ZNF829: variants seen among roughly 807,000 people sequenced by gnomAD.
ZNF829 encodes zinc finger protein 829.
A neutral mutation model predicts 35.2 loss-of-function variants in ZNF829; 25 were observed. That is an observed-to-expected ratio of 0.71 (90% CI 0.52 to 0.99). The LOEUF is 0.99. Among genes scored for constraint, ZNF829 ranks in the 50% least tolerant of loss-of-function variants. The pLI is 0.00. For missense variants in ZNF829, 417 were observed against 515.3 expected, an observed-to-expected ratio of 0.81 and a Z score of 1.85; for synonymous variants, 136 against 163.2, an observed-to-expected ratio of 0.83 and a Z score of 1.27.
chr19:36,888,174 T>C lies in ZNF829; in HGVS notation c.*3318A>G, dbSNP rs2073015030. 6.6e-6 allele frequency: 1 copy of C among 151,906 alleles called. No homozygotes were observed. Among genetic ancestry groups the C allele is most frequent in the Non-Finnish European group, 1.5e-5 (1 of 67,998 alleles). The allele number at this position is 151,906 out of a possible 1,614,324, so 9.4% of individuals were successfully genotyped here. On this transcript the variant is annotated 3_prime_UTR_variant, in exon 6 of 6. Transcript: ENST00000391711. ...GTAACATGAACATGCCTGTTAAACA[T>C]TTGAATAAATGATCAGTTTCTCATA...
chr19:36,912,139 A>G (rs541080667), intron 3 of ZNF829, among the ~76,000 whole-genome samples: 1 of 149,608 alleles, frequency 6.7e-6, no homozygotes, highest in East Asian at 2.0e-4. Context: ...GAGGAAATCA[A>G]GAAGCTTAAT....
chr19:36,892,234 G>T lies in ZNF829; in HGVS notation c.557C>A (p.Ser186Tyr), dbSNP rs767952344. Reference sequence around the variant, plus strand: ...ACTAAAGGACTTCCCATACTCCTTAGATTCATAGTGTTTTTCACCAAAATG... The same window carrying T: ...ACTAAAGGACTTCCCATACTCCTTATATTCATAGTGTTTTTCACCAAAATG... ...RIHFGEKHYE[S>Y]KEYGKSFSRG... is the part of the protein sequence containing the mutation. The change falls in exon 6 of 6, where the codon TCT (serine) becomes TAT (tyrosine). Residue 186 changes from serine to tyrosine, a missense_variant. Ser to Tyr is a moderately radical substitution (Grantham distance 144). Coordinates refer to ENST00000391711, the MANE Select transcript of ZNF829 (RefSeq NM_001037232.4). 7.4e-6 allele frequency: 12 copies of T among 1,613,922 alleles called. No individual in the cohort carries two copies.
rs1249427271 is a variant in ZNF829 at position 36,890,678 on chromosome 19, TA to T, written c.*813del. ...CAACATGGTGAAACCCCGTCGCTACTAAAAATACAAAAAAAAAAAAAAAAAA... is the reference window on the plus strand; with the variant it reads ...CAACATGGTGAAACCCCGTCGCTACTAAAATACAAAAAAAAAAAAAAAAAA... On this transcript the variant is annotated 3_prime_UTR_variant, in exon 6 of 6. Transcript: ENST00000391711. The T allele has an allele frequency of 2.2e-5, 2 of 89,076 alleles. No individual in the cohort carries two copies. Among genetic ancestry groups the T allele is most frequent in the African/African-American group, 4.3e-5 (1 of 23,070 alleles). 5.5% of individuals were successfully genotyped at this position (89,076 alleles called of 1,614,324 possible).
Position 36,891,488 on chromosome 19 carries a change from T to A in ZNF829, c.*4A>T, listed in dbSNP as rs780335686. On this transcript the variant is annotated 3_prime_UTR_variant, in exon 6 of 6. Transcript: ENST00000391711. ...TTAACAAAATGGTCTTACTTTACTG[T>A]CATTCAACCAGTATGAATTCCCTCA... 2 of 1,533,226 alleles carry A rather than the reference T, an allele frequency of 1.3e-6. No individual in the cohort carries two copies. The highest frequency in any genetic ancestry group is 2.8e-5 in the African/African-American group (2 of 71,894). The allele number at this position is 1,533,226 out of a possible 1,614,324, so 95.0% of individuals were successfully genotyped here.
At chr19:36,910,232 C>G (rs1048910200) in intron 3 of ZNF829, among the ~76,000 whole-genome samples, 1 of 151,914 alleles carries the variant, frequency 6.6e-6, no homozygotes, top group Non-Finnish European at 1.5e-5. Context: ...TTACAGGCGC[C>G]GGTCACCACA....
intron 5 of ZNF829, among the ~76,000 whole-genome samples, chr19:36,897,917 C>T (rs951954392): frequency 3.9e-5 from 6 of 152,160 alleles, no homozygotes; most frequent in Non-Finnish European, 8.8e-5. Flanking sequence ...GCCTATAATC[C>T]CAGCAGTTTG....
At chr19:36,897,758 G>C (rs1039988139) in intron 5 of ZNF829, among the ~76,000 whole-genome samples, 8 of 152,180 alleles carry the variant, frequency 5.3e-5, no homozygotes, top group Non-Finnish European at 1.0e-4. Context: ...AAGTCACACT[G>C]TCCCTTTACA....
chr19:36,907,507 T>C (rs979993618), intron 5 of ZNF829: 4 of 176,670 alleles, frequency 2.3e-5, no homozygotes, highest in African/African-American at 9.6e-5. Context: ...TTCAATTTTG[T>C]TTTCAAGTAA....
Position 36,916,255 on chromosome 19 carries a change from C to G in ZNF829, c.-329G>C, listed in dbSNP as rs2073328983. On this transcript the variant is annotated 5_prime_UTR_variant, in exon 1 of 6. Coordinates refer to ENST00000391711, the MANE Select transcript of ZNF829 (RefSeq NM_001037232.4). This position sits in a 1 kb window ranked among gnomAD's most constrained non-coding sequence, Gnocchi z 5.3. ...GATGAGCCTCCCGGGGAACCCGGCC[C>G]AAGCCTCACCCTCACACAGGAAAGC... 1 of 338,682 alleles carries G rather than the reference C, an allele frequency of 3.0e-6. No homozygotes were observed. The highest frequency in any genetic ancestry group is 5.4e-6 in the Non-Finnish European group (1 of 185,582). The allele number at this position is 338,682 out of a possible 1,614,324, so 21.0% of individuals were successfully genotyped here.
At chr19:36,907,832 T>A in intron 5 of ZNF829, 97 bp downstream of exon 5, 7 of 1,020,944 alleles carry the variant, frequency 6.9e-6, no homozygotes, top group Admixed American at 2.7e-5. Context: ...ATAGCTTATA[T>A]GGAAGAGGCT....
Position 36,915,141 on chromosome 19 carries a change from A to G in ZNF829, c.27T>C (p.Ile9=). Residue 9 remains isoleucine (I), a synonymous_variant, in exon 2 of 6, where the codon ATT becomes ATC. Transcript: ENST00000391711. The stretch of plus-strand genomic sequence containing the variant: ...GCCCCATTACCCACCACACATGAGG[A>G]ATGGAGATCAGAGGAGAATGGGGCA... MPHSPLIS[I]PHVWCHPEEE... is the part of the protein sequence containing the mutation. 6.2e-7 allele frequency: 1 copy of G among 1,614,090 alleles called. No homozygotes were observed. The highest frequency in any genetic ancestry group is 1.6e-4 in the Middle Eastern group (1 of 6,062).
chr19:36,908,021 A>G lies in ZNF829; in HGVS notation c.227T>C (p.Leu76Pro). ...GATCACAGCTGGCTTAGAATTGGAA[A>G]GTCCTGTTCACAAGAAAAGACATGG... is the stretch of plus-strand genomic sequence containing the variant. ...ENFSNLVSVG[L>P]SNSKPAVISL... is the part of the protein sequence containing the mutation. Residue 76 changes from leucine (L) to proline (P), a missense_variant, in exon 5 of 6, where the codon CTT becomes CCT. By Grantham distance (98) the Leu-to-Pro change is moderately conservative. Transcript: ENST00000391711. 6.2e-7 allele frequency: 1 copy of G among 1,613,196 alleles called. No homozygotes were observed. The highest frequency in any genetic ancestry group is 8.5e-7 in the Non-Finnish European group (1 of 1,179,694).
intron 5 of ZNF829, among the ~76,000 whole-genome samples, chr19:36,904,854 A>AG (rs2073202825): frequency 3.3e-5 from 5 of 152,222 alleles, no homozygotes; most frequent in African/African-American, 1.2e-4. Context: ...AAGATTAAGA[A>AG]GGGGGTGAAT....
rs1041156356 is a variant in ZNF829 at position 36,889,021 on chromosome 19, C to G, written c.*2471G>C. On this transcript the variant is annotated 3_prime_UTR_variant, in exon 6 of 6. Coordinates refer to ENST00000391711, the MANE Select transcript of ZNF829 (RefSeq NM_001037232.4). ...TCTTGACATCATGTGATCTGCCCGC[C>G]TTGGCCTTGCAAAGTGCTGGGATTA... The G allele has an allele frequency of 3.9e-5, 6 of 152,194 alleles. No individual in the cohort carries two copies. The highest frequency in any genetic ancestry group is 1.4e-4 in the African/African-American group (6 of 41,428). The allele number at this position is 152,194 out of a possible 1,614,324, so 9.4% of individuals were successfully genotyped here.
rs901163439 is a variant in ZNF829 at position 36,910,939 on chromosome 19, G to A, written c.97-2480C>T. Among the ~76,000 whole-genome samples the A allele has an allele frequency of 2.6e-5, 4 of 152,074 alleles. No homozygotes were observed. In the South Asian group the frequency reaches 6.2e-4, roughly 24 times the overall value. ...GGAGAATTGCTTGAACCCGGGAGGC[G>A]GAGGTTGCAGTGAGCCGAGATTGTG... On this transcript the variant is annotated intron_variant, in intron 3 of 5. Coordinates refer to ENST00000391711, the MANE Select transcript of ZNF829 (RefSeq NM_001037232.4).
Position 36,915,901 on chromosome 19 carries a change from G to A in ZNF829, c.-85+110C>T, listed in dbSNP as rs2073322281. 3 of 1,536,096 alleles carry A rather than the reference G, an allele frequency of 2.0e-6. No homozygotes were observed. In the East Asian group the frequency reaches 7.3e-5, roughly 38 times the overall value. On this transcript the variant is annotated intron_variant, in intron 1 of 5. Coordinates refer to ENST00000391711, the MANE Select transcript of ZNF829 (RefSeq NM_001037232.4). Reference sequence around the variant, plus strand: ...GGCCGCTCCGCCCGCAGGGGCCCAAGGCGCCAGCTCCCCATCGGTCTTCGG... The same window carrying A: ...GGCCGCTCCGCCCGCAGGGGCCCAAAGCGCCAGCTCCCCATCGGTCTTCGG...
intron 5 of ZNF829, among the ~76,000 whole-genome samples, chr19:36,904,175 GATAC>G (rs1301459173): frequency 1.3e-5 from 2 of 152,146 alleles, no homozygotes; most frequent in Non-Finnish European, 2.9e-5. Context: ...CTATAGGCAA[GATAC>G]ATACAGTGAT....
intron 5 of ZNF829, among the ~76,000 whole-genome samples, chr19:36,898,060 G>A (rs546618645): frequency 2.0e-5 from 3 of 152,176 alleles, no homozygotes; most frequent in Admixed American, 6.5e-5. Flanking sequence ...TCCCACCTAC[G>A]TGGGAGGCTG....
At chr19:36,892,899 G>T in intron 5 of ZNF829, 1 of 1,148,506 alleles carries the variant, frequency 8.7e-7, no homozygotes, top group Non-Finnish European at 1.1e-6. Flanking sequence ...AAGGCCATCA[G>T]CATGCCCAGG....
Sources: allele counts gnomAD v4.1 joint callset (sites outside exome capture counted in the v4.1 genomes callset), GRCh38; gene constraint gnomAD v4.1.1; non-coding constraint Gnocchi (gnomAD v3.1); transcripts MANE v1.5; gene names NCBI Gene and HGNC (gene_info 2026-07-23, HGNC 2026-07-21).